Variants in TSHZ2 observed in about 807,000 individuals in gnomAD.
The protein encoded by TSHZ2 is teashirt zinc finger homeobox 2.
Under a neutral mutation model 74.4 loss-of-function variants are expected in TSHZ2, and 21 were observed. That is an observed-to-expected ratio of 0.28 (90% CI 0.20 to 0.41). TSHZ2 has a LOEUF of 0.41. Ranked by LOEUF, TSHZ2 falls within the 10% of genes least tolerant of loss-of-function variation. TSHZ2 has a pLI of 1.00. For synonymous variants in TSHZ2, 540 were observed against 515.3 expected (o/e 1.05, Z -0.65); for missense variants, 1,244 against 1,293.5 (o/e 0.96, Z 0.59).
At chr20:53,448,751 T>A (rs763954829) in intron 2 of TSHZ2, among the ~76,000 whole-genome samples, 18 of 152,176 alleles carry the variant, frequency 1.2e-4, no homozygotes, top group Non-Finnish European at 2.4e-4. Flanking sequence ...AAGGTTTAAC[T>A]CAGTATCCTG....
intron 1 of TSHZ2, among the ~76,000 whole-genome samples, chr20:53,086,353 C>G (rs888700622): frequency 1.3e-5 from 2 of 151,896 alleles, no homozygotes; most frequent in African/African-American, 4.8e-5. Context: ...TCAAGATCGC[C>G]ATATCTCCAT....
At chr20:53,266,799 A>G (rs569840793) in intron 2 of TSHZ2, among the ~76,000 whole-genome samples, 2 of 131,088 alleles carry the variant, frequency 1.5e-5, no homozygotes, top group East Asian at 2.2e-4. Context: ...TTTTTTTGAG[A>G]CAGAGCCTCA....
intron 2 of TSHZ2, among the ~76,000 whole-genome samples, chr20:53,318,580 C>G (rs960819861): frequency 6.6e-6 from 1 of 152,142 alleles, no homozygotes; most frequent in Non-Finnish European, 1.5e-5. Flanking sequence ...GGTGGAGGGA[C>G]AGAGGAAGAT....
At chr20:53,435,672 C>T (rs1403660077) in intron 2 of TSHZ2, among the ~76,000 whole-genome samples, 1 of 152,148 alleles carries the variant, frequency 6.6e-6, no homozygotes, top group African/African-American at 2.4e-5. Context: ...TGTCACCACG[C>T]CTGGCTAATT....
chr20:53,097,734 G>C (rs1986094719), intron 1 of TSHZ2: 1 of 155,574 alleles, frequency 6.4e-6, no homozygotes, highest in South Asian at 2.1e-4. Context: ...GGCTAGGCGG[G>C]TGTCCCCTTC....
intron 2 of TSHZ2, among the ~76,000 whole-genome samples, chr20:53,267,482 C>T (rs1163578319): frequency 6.6e-6 from 1 of 152,218 alleles, no homozygotes; most frequent in East Asian, 1.9e-4. Flanking sequence ...GGGTGATAGT[C>T]ATCCATTTTA....
At chr20:53,142,282 C>T (rs1987419841) in intron 1 of TSHZ2, among the ~76,000 whole-genome samples, 1 of 152,242 alleles carries the variant, frequency 6.6e-6, no homozygotes, top group African/African-American at 2.4e-5. Flanking sequence ...ATTAGCTACA[C>T]TCTCAGATCC....
chr20:52,973,697 G>A (rs1475361690), intron 1 of TSHZ2, among the ~76,000 whole-genome samples: 7 of 152,106 alleles, frequency 4.6e-5, no homozygotes, highest in Admixed American at 4.6e-4. Context: ...ATCCCTCTGC[G>A]TGGTCAGTGC....
chr20:53,471,603 G>T (rs1370339076), intron 2 of TSHZ2, among the ~76,000 whole-genome samples: 1 of 152,082 alleles, frequency 6.6e-6, no homozygotes, highest in Non-Finnish European at 1.5e-5. Flanking sequence ...GGATGAAAAG[G>T]TGCTGGCCAA....
intron 2 of TSHZ2, among the ~76,000 whole-genome samples, chr20:53,414,835 C>T (rs774695698): frequency 5.9e-5 from 9 of 152,168 alleles, no homozygotes; most frequent in Non-Finnish European, 1.3e-4. Flanking sequence ...TGACCAGGCT[C>T]CTGAGTGGGC....
intron 2 of TSHZ2, among the ~76,000 whole-genome samples, chr20:53,448,701 C>T (rs1273126001): frequency 6.6e-6 from 1 of 152,106 alleles, no homozygotes; most frequent in Non-Finnish European, 1.5e-5. Context: ...CTCCTTTAGT[C>T]CTTAACTTTG....
intron 2 of TSHZ2, among the ~76,000 whole-genome samples, chr20:53,478,302 C>T (rs945710671): frequency 6.6e-6 from 1 of 151,288 alleles, no homozygotes; most frequent in South Asian, 2.1e-4. Flanking sequence ...GAAAATGTGG[C>T]ACATATACAC....
intron 1 of TSHZ2, among the ~76,000 whole-genome samples, chr20:53,043,409 A>G (rs1984117329): frequency 6.6e-6 from 1 of 152,136 alleles, no homozygotes; most frequent in African/African-American, 2.4e-5. Context: ...ACTGATAAAT[A>G]TTATCAATTA....
chr20:53,129,939 G>C (rs1011334277), intron 1 of TSHZ2, among the ~76,000 whole-genome samples: 1 of 151,764 alleles, frequency 6.6e-6, no homozygotes, highest in African/African-American at 2.4e-5. Context: ...GAAAAACTCA[G>C]TCCTGCTTTT....
intron 2 of TSHZ2, among the ~76,000 whole-genome samples, chr20:53,299,592 T>A (rs77259612): frequency 0.095 from 14,487 of 152,296 alleles, 752 homozygotes; most frequent in Middle Eastern, 0.13. Context: ...TTTGCTGTCT[T>A]ATTCTCCCAA....
chr20:53,151,751 C>T (rs1436578987), intron 1 of TSHZ2, among the ~76,000 whole-genome samples: 1 of 152,058 alleles, frequency 6.6e-6, no homozygotes, highest in Non-Finnish European at 1.5e-5. Flanking sequence ...TTACTATCAC[C>T]TCATGGCCTT....
At chr20:53,207,083 C>A (rs1032513797) in intron 1 of TSHZ2, among the ~76,000 whole-genome samples, 3 of 152,166 alleles carry the variant, frequency 2.0e-5, no homozygotes, top group Non-Finnish European at 2.9e-5. Flanking sequence ...CCTGACCTGG[C>A]GTGGTCTCTT....
At chr20:53,091,171 C>T (rs1007859046) in intron 1 of TSHZ2, among the ~76,000 whole-genome samples, 3 of 152,178 alleles carry the variant, frequency 2.0e-5, no homozygotes, top group South Asian at 2.1e-4. Context: ...TAGCTATTAT[C>T]GCTAGATTGC....
At chr20:53,064,657 T>TTAAA (rs1333679210) in intron 1 of TSHZ2, among the ~76,000 whole-genome samples, 1 of 144,280 alleles carries the variant, frequency 6.9e-6, no homozygotes, top group African/African-American at 2.7e-5. Flanking sequence ...AAATAACTTT[T>TTAAA]TAAATAAATA....
Sources: gnomAD v4.1 joint callset for allele counts (sites outside exome capture counted in the v4.1 genomes callset) on GRCh38, gnomAD v4.1.1 for gene constraint, MANE v1.5 for transcripts, NCBI Gene and HGNC (gene_info 2026-07-23, HGNC 2026-07-21) for gene names.